The following MKLN1 variants were observed in gnomAD, a reference collection of about 807,000 sequenced individuals.
The protein encoded by MKLN1 is muskelin 1.
A neutral mutation model predicts 99.0 loss-of-function variants in MKLN1; 18 were observed. The ratio of observed to expected loss-of-function variants is 0.18; its 90% confidence interval spans 0.13 to 0.27. The LOEUF (loss-of-function observed/expected upper bound fraction) is 0.27. MKLN1 is among the 10% of genes least tolerant of loss of function. The pLI is 1.00. For missense variants in MKLN1, 621 were observed against 875.9 expected (o/e 0.71, Z 3.67); for synonymous variants, 288 against 293.2 (o/e 0.98, Z 0.18).
intron 3 of MKLN1, among the ~76,000 whole-genome samples, chr7:131,315,883 G>A (rs183010648): frequency 9.8e-5 from 15 of 152,316 alleles, no homozygotes; most frequent in African/African-American, 3.4e-4. Flanking sequence ...TGAAGCAAAG[G>A]TAACAGCCCC....
chr7:131,388,558 C>T (rs187429038), intron 3 of MKLN1, among the ~76,000 whole-genome samples: 13 of 152,196 alleles, frequency 8.5e-5, no homozygotes, highest in Admixed American at 6.5e-4. Flanking sequence ...TCATTCTTAC[C>T]GTTGAAAATT....
chr7:131,262,286 A>G (rs542668287), intron 3 of MKLN1, among the ~76,000 whole-genome samples: 1 of 151,840 alleles, frequency 6.6e-6, no homozygotes. Context: ...AATACAAAAA[A>G]ATTAGCTGGT....
At chr7:131,227,113 T>G (rs1468614220) in intron 3 of MKLN1, among the ~76,000 whole-genome samples, 2 of 152,218 alleles carry the variant, frequency 1.3e-5, no homozygotes. Flanking sequence ...TGAGTTCATG[T>G]GAGCTTTTCT....
At chr7:131,191,581 A>T (rs1484666675) in intron 2 of MKLN1, among the ~76,000 whole-genome samples, 4 of 152,208 alleles carry the variant, frequency 2.6e-5, no homozygotes, top group African/African-American at 9.7e-5. Flanking sequence ...TTTTCCATTT[A>T]CTTAACAGTT....
intron 3 of MKLN1, among the ~76,000 whole-genome samples, chr7:131,307,694 G>T (rs1370806730): frequency 6.6e-6 from 1 of 152,120 alleles, no homozygotes; most frequent in African/African-American, 2.4e-5. Context: ...TTCTCCATTT[G>T]GAATGGAAGC....
chr7:131,457,350 C>T (rs1219450136), intron 12 of MKLN1, among the ~76,000 whole-genome samples: 1 of 150,592 alleles, frequency 6.6e-6, no homozygotes, highest in Non-Finnish European at 1.5e-5. Context: ...AGAGAACACA[C>T]TAGTAATATG....
At chr7:131,256,683 T>C (rs1797662895) in intron 3 of MKLN1, among the ~76,000 whole-genome samples, 1 of 152,178 alleles carries the variant, frequency 6.6e-6, no homozygotes, top group South Asian at 2.1e-4. Flanking sequence ...TGGAGCCCAT[T>C]ATCCTAAGTG....
chr7:131,347,394 C>G (rs1464652727), intron 1 of MKLN1, among the ~76,000 whole-genome samples: 1 of 152,126 alleles, frequency 6.6e-6, no homozygotes, highest in African/African-American at 2.4e-5. Flanking sequence ...GAGCCTGATG[C>G]TGGAGAAACC....
At chr7:131,148,350 A>G (rs1795843434) in intron 2 of MKLN1, among the ~76,000 whole-genome samples, 1 of 152,252 alleles carries the variant, frequency 6.6e-6, no homozygotes, top group East Asian at 1.9e-4. Flanking sequence ...AAGACATAAA[A>G]CATTAAGAAT....
chr7:131,133,813 T>TA (rs1795601609), intron 1 of MKLN1, among the ~76,000 whole-genome samples: 1 of 123,844 alleles, frequency 8.1e-6, no homozygotes, highest in African/African-American at 3.2e-5. Context: ...TTTTTTTTTT[T>TA]AATTTGGTTT....
intron 2 of MKLN1, among the ~76,000 whole-genome samples, chr7:131,385,285 T>C (rs1396514678): frequency 6.6e-6 from 1 of 152,228 alleles, no homozygotes; most frequent in Non-Finnish European, 1.5e-5. Context: ...TTTCCACCTT[T>C]TGGCTATTGT....
At chr7:131,295,626 C>T (rs1032921811) in intron 3 of MKLN1, among the ~76,000 whole-genome samples, 4 of 152,004 alleles carry the variant, frequency 2.6e-5, no homozygotes, top group African/African-American at 9.7e-5. Context: ...TAGTTCACGC[C>T]TATAATCCCA....
intron 2 of MKLN1, among the ~76,000 whole-genome samples, chr7:131,379,422 A>G (rs1183502516): frequency 6.6e-6 from 1 of 152,236 alleles, no homozygotes; most frequent in Non-Finnish European, 1.5e-5. Context: ...AAGAAATAAA[A>G]GAAATTGGAC....
At chr7:131,457,589 A>G (rs1052173772) in intron 12 of MKLN1, among the ~76,000 whole-genome samples, 2 of 152,196 alleles carry the variant, frequency 1.3e-5, no homozygotes, top group Non-Finnish European at 2.9e-5. Flanking sequence ...ACAAGTGCCA[A>G]CATCTTAAAA....
chr7:131,158,226 C>T (rs1020353374), intron 2 of MKLN1, among the ~76,000 whole-genome samples: 16 of 152,018 alleles, frequency 1.1e-4, no homozygotes, highest in South Asian at 4.1e-4. Context: ...GATCACCTGA[C>T]GTCAGGAGTT....
intron 3 of MKLN1, among the ~76,000 whole-genome samples, chr7:131,302,559 C>T (rs1393571338): frequency 4.6e-5 from 7 of 152,144 alleles, no homozygotes; most frequent in Non-Finnish European, 8.8e-5. Context: ...TTGTCAGCTT[C>T]GTTTAGATGT....
chr7:131,349,595 T>C (rs1799660830), intron 1 of MKLN1, among the ~76,000 whole-genome samples: 1 of 152,270 alleles, frequency 6.6e-6, no homozygotes, highest in South Asian at 2.1e-4. Flanking sequence ...TGTCCAAATT[T>C]AATGATCTTT....
rs898013995 is a variant in MKLN1 at position 131,354,899 on chromosome 7, A to G, written c.99-20525A>G. 4.6e-5 allele frequency among the ~76,000 whole-genome samples: 7 copies of G among 152,210 alleles called. No homozygotes were observed. The South Asian group carries it at 1.5e-3, about 32-fold the overall frequency. On this transcript the variant is annotated intron_variant, in intron 1 of 17. Coordinates refer to ENST00000352689, the MANE Select transcript of MKLN1 (RefSeq NM_013255.5). ...CCCAACCCCAATGATTTATGATGCT[A>G]TCTTGATCATTTATTAAATTTTATG...
chr7:131,433,492 A>G (rs1017348087), intron 9 of MKLN1, among the ~76,000 whole-genome samples: 1 of 152,174 alleles, frequency 6.6e-6, no homozygotes, highest in African/African-American at 2.4e-5. Context: ...ATTACTCATC[A>G]AACTCTCACC....
Sources: allele counts gnomAD v4.1 joint callset (sites outside exome capture counted in the v4.1 genomes callset), GRCh38; gene constraint gnomAD v4.1.1; transcripts MANE v1.5; gene names NCBI Gene and HGNC (gene_info 2026-07-23, HGNC 2026-07-21).